Variants in NRXN2 observed in about 807,000 individuals in gnomAD.
NRXN2 encodes neurexin 2.
NRXN2 carries 29 observed loss-of-function variants against 128.8 expected under a neutral mutation model. The ratio of observed to expected loss-of-function variants is 0.23; its 90% CI spans 0.17 to 0.31. NRXN2 has a LOEUF of 0.31. Ranked by LOEUF, NRXN2 falls within the 10% of genes least tolerant of loss-of-function variation. The probability of loss-of-function intolerance (pLI) is 1.00; values close to 1 mark genes in which losing one functional copy is unlikely to be tolerated. For synonymous variants in NRXN2, 1,098 were observed against 1,075.2 expected, an observed-to-expected ratio of 1.02 and a Z score of -0.41; for missense variants, 1,881 against 2,452.6, an observed-to-expected ratio of 0.77 and a Z score of 4.92.
chr11:64,663,523 C>G (rs2049352651), intron 9 of NRXN2, among the ~76,000 whole-genome samples: 1 of 152,194 alleles, frequency 6.6e-6, no homozygotes, highest in South Asian at 2.1e-4. Flanking sequence ...ACTCCCCTAA[C>G]AGGCCACCAA....
rs894616574 is a variant in NRXN2 at position 64,712,348 on chromosome 11, C to A, written c.730+622G>T. ...ACTCATAGGCCCTCACGGTCTCACA[C>A]GAGGTCCTGCTCCCTGTTTCATAGG... On this transcript the variant is annotated intron_variant, in intron 2 of 22. Transcript: ENST00000265459. Among the ~76,000 whole-genome samples the A allele has an allele frequency of 2.6e-5, 4 of 151,550 alleles. No individual in the cohort carries two copies. The East Asian group carries it at 5.9e-4, about 22-fold the overall frequency.
chr11:64,620,443 G>A (rs937954496), intron 21 of NRXN2, 71 bp from the exon 22 acceptor site: 1 of 1,227,200 alleles, frequency 8.1e-7, no homozygotes, highest in East Asian at 2.5e-5. Context: ...GCTGCCACTT[G>A]AGGTGCACGG....
At position 64,667,804 on chromosome 11, in the gene NRXN2, C is replaced by A; in HGVS notation, c.1360-116G>T. ...GCCACCCACCCCTGTAGCCCCTGCT[C>A]AGTTCCACCAGACCACCCGCTTAGG... On this transcript the variant is annotated intron_variant, in intron 8 of 22. Coordinates refer to ENST00000265459, the MANE Select transcript of NRXN2 (RefSeq NM_015080.4). The surrounding 1 kb of genome is among the most constrained non-coding windows in gnomAD (Gnocchi z 5.6). 1 of 914,280 alleles carries A rather than the reference C, an allele frequency of 1.1e-6. No individual in the cohort carries two copies. The highest frequency in any genetic ancestry group is 1.4e-5 in the South Asian group (1 of 72,622). 56.6% of individuals were successfully genotyped at this position (914,280 alleles called of 1,614,324 possible).
At chr11:64,628,382 C>G (rs897510582) in intron 19 of NRXN2, among the ~76,000 whole-genome samples, 44 of 152,150 alleles carry the variant, frequency 2.9e-4, no homozygotes, top group Non-Finnish European at 7.4e-5. Context: ...GGGTCCCCCC[C>G]CACTCTGGGC....
chr11:64,719,436 A>G (rs1740268333), intron 1 of NRXN2, among the ~76,000 whole-genome samples: 1 of 152,210 alleles, frequency 6.6e-6, no homozygotes, highest in African/African-American at 2.4e-5. Context: ...ACAGGTCTAA[A>G]GATAAGTCGG....
At chr11:64,664,522 G>C (rs1270564160) in intron 9 of NRXN2, among the ~76,000 whole-genome samples, 1 of 150,078 alleles carries the variant, frequency 6.7e-6, no homozygotes, top group South Asian at 2.1e-4. Context: ...TTTTTTTGCT[G>C]TTTTATTTTT....
intron 7 of NRXN2, 103 bp downstream of exon 7, chr11:64,676,890 C>G: frequency 1.1e-6 from 1 of 944,828 alleles, no homozygotes; most frequent in East Asian, 2.5e-5. Context: ...AAGAGCAAAA[C>G]AACCAAAAAA....
chr11:64,709,216 C>T (rs1198328224), intron 2 of NRXN2, among the ~76,000 whole-genome samples: 1 of 148,594 alleles, frequency 6.7e-6, no homozygotes, highest in African/African-American at 2.5e-5. Flanking sequence ...AAAAAAAAGT[C>T]CTCAGTCTCA....
chr11:64,635,214 G>C lies in NRXN2; in HGVS notation c.3585+57C>G, dbSNP rs2044524801. 8 of 1,593,768 alleles carry C rather than the reference G, an allele frequency of 5.0e-6. No individual in the cohort carries two copies. The East Asian group carries it at 1.8e-4, about 36-fold the overall frequency. ...GCTGATCCCATGGCAATGAGGGGCT[G>C]AACTGATTTGGGAGCAGGAAGCTTG... is the stretch of plus-strand genomic sequence containing the variant. On this transcript the variant is annotated intron_variant, in intron 18 of 22. Coordinates refer to ENST00000265459, the MANE Select transcript of NRXN2 (RefSeq NM_015080.4). The surrounding 1 kb of genome is among the most constrained non-coding windows in gnomAD (Gnocchi z 4.8).
In NRXN2 at chr11:64,607,962, G is replaced by A. The variant is rs2039952639; in HGVS notation, c.4373C>T (p.Ala1458Val). Residue 1458 changes from alanine to valine, a missense_variant, in exon 23 of 23, where the codon GCC (alanine) becomes GTC (valine). This residue lies in a region of NRXN2 where 310 missense variants were observed against 318.2 expected (regional missense o/e 0.97). Coordinates refer to ENST00000265459, the MANE Select transcript of NRXN2 (RefSeq NM_015080.4). The part of the protein sequence containing the change: ...TFYPFLTGVG[A>V]TQDTLPPPAA... ...GGGCGGGGGCAGCGTGTCTTGGGTGGCGCCCACTCCCGTGAGGAAGGGGTA... is the reference window on the plus strand; with the variant it reads ...GGGCGGGGGCAGCGTGTCTTGGGTGACGCCCACTCCCGTGAGGAAGGGGTA... 8 of 1,544,156 alleles carry A rather than the reference G, an allele frequency of 5.2e-6. No individual in the cohort carries two copies. Among genetic ancestry groups the A allele is most frequent in the Non-Finnish European group, 7.0e-6 (8 of 1,146,670 alleles).
rs192650197 is a variant in NRXN2, at chr11:64,650,016, C to A, written c.3109+432G>T. The stretch of plus-strand genomic sequence containing the variant: ...GTCCCCAAGCTAGCCCAGCCGATGC[C>A]CAAGACAGGTGACTCGGGGACTCTA... On this transcript the variant is annotated intron_variant, in intron 15 of 22. Transcript: ENST00000265459. Among the ~76,000 whole-genome samples the A allele has an allele frequency of 3.3e-4, 50 of 152,168 alleles. 1 individual carries two copies. The highest frequency in any genetic ancestry group is 4.6e-4 in the Non-Finnish European group (31 of 68,008).
chr11:64,681,116 T>TA (rs555728992), intron 6 of NRXN2, among the ~76,000 whole-genome samples: 116 of 117,972 alleles, frequency 9.8e-4, no homozygotes, highest in South Asian at 1.9e-3. Context: ...AAAAAAAAAG[T>TA]AAAAAAAAAA....
intron 7 of NRXN2, among the ~76,000 whole-genome samples, chr11:64,671,871 C>G (rs1379337661): frequency 1.3e-5 from 2 of 152,082 alleles, no homozygotes; most frequent in Non-Finnish European, 2.9e-5. Context: ...TTCCACCACC[C>G]ATTCGCCACC....
At chr11:64,653,162 C>T (rs2047719777) in intron 12 of NRXN2, among the ~76,000 whole-genome samples, 1 of 152,164 alleles carries the variant, frequency 6.6e-6, no homozygotes, top group Non-Finnish European at 1.5e-5. Context: ...AGAGCCCTCA[C>T]TGTCACCATA....
At chr11:64,704,846 C>T (rs1284768369) in intron 2 of NRXN2, among the ~76,000 whole-genome samples, 1 of 152,132 alleles carries the variant, frequency 6.6e-6, no homozygotes, top group Non-Finnish European at 1.5e-5. Flanking sequence ...TCACGACCAC[C>T]TTGAGTCATC....
rs558017311 is a variant in NRXN2 at position 64,695,010 on chromosome 11, C to T, written c.749-2134G>A. On this transcript the variant is annotated intron_variant, in intron 3 of 22. Coordinates refer to ENST00000265459, the MANE Select transcript of NRXN2 (RefSeq NM_015080.4). ...ATTCGGCAGTCTCCCTCTGTCACCA[C>T]GGCAACCAGCTGCTCAGCTCCCTCA... Among the ~76,000 whole-genome samples, 25 of 152,302 alleles carry T rather than the reference C, an allele frequency of 1.6e-4. No individual in the cohort carries two copies. The South Asian group carries it at 3.7e-3, about 23-fold the overall frequency.
At chr11:64,658,589 C>G (rs1234161263) in intron 11 of NRXN2, among the ~76,000 whole-genome samples, 2 of 152,208 alleles carry the variant, frequency 1.3e-5, no homozygotes, top group African/African-American at 4.8e-5. Flanking sequence ...CCTAGGAATA[C>G]AAAGGCCAGG....
chr11:64,644,738 T>G (rs2046380075), intron 17 of NRXN2, among the ~76,000 whole-genome samples: 8 of 132,260 alleles, frequency 6.0e-5, no homozygotes, highest in South Asian at 2.4e-4. Context: ...TGCAGCGGAG[T>G]GAGGAGGAGG....
chr11:64,619,740 T>C (rs1205056661), intron 22 of NRXN2, among the ~76,000 whole-genome samples: 1 of 152,176 alleles, frequency 6.6e-6, no homozygotes, highest in Non-Finnish European at 1.5e-5. Context: ...AGTCACTGTG[T>C]TGTAACTGCC....
Sources: gnomAD v4.1 joint callset for allele counts (sites outside exome capture counted in the v4.1 genomes callset) on GRCh38, gnomAD v4.1.1 for gene constraint, gnomAD v4.1.1 regional missense constraint, Gnocchi (gnomAD v3.1) non-coding constraint, MANE v1.5 for transcripts, NCBI Gene and HGNC (gene_info 2026-07-23, HGNC 2026-07-21) for gene names.